The following SPATA17 variants were observed in gnomAD, a reference collection of about 807,000 sequenced individuals.
SPATA17 encodes the protein spermatogenesis-associated protein 17.
In SPATA17, 53 loss-of-function variants were observed where a neutral mutation model predicts 62.2. That is an observed-to-expected ratio of 0.85 (90% confidence interval 0.68 to 1.07). SPATA17 has a LOEUF of 1.07. SPATA17 is among the 50% of genes least tolerant of loss of function. The pLI, the probability that SPATA17 is intolerant of heterozygous loss-of-function variation, is 0.00. For synonymous variants in SPATA17, 146 were observed against 146.8 expected (o/e 0.99, Z 0.04); for missense variants, 466 against 425.5 (o/e 1.10, Z -0.84).
At position 217,813,490 on chromosome 1, in the gene SPATA17, T is replaced by A. The variant is rs1426774604; in HGVS notation, c.1005+11640T>A. ...ATTTTAAGAATCTTTCCATACATGC[T>A]GATTGATGATTATGCACTTGCTGAA... On this transcript the variant is annotated intron_variant, in intron 9 of 10. Coordinates refer to ENST00000366933, the MANE Select transcript of SPATA17 (RefSeq NM_138796.4). Among the ~76,000 whole-genome samples the A allele has an allele frequency of 2.6e-5, 4 of 152,224 alleles. No individual in the cohort carries two copies. The South Asian group carries it at 8.3e-4, about 31-fold the overall frequency.
rs1309676105 is a variant in SPATA17, at chr1:217,868,003, G to A, written c.*984G>A. ...CTCTGGGAAATGTTATAGGCCAAAT[G>A]ATCTGTTTCTTCAACAAATAAATTA... On this transcript the variant is annotated 3_prime_UTR_variant, in exon 11 of 11. Coordinates refer to ENST00000366933, the MANE Select transcript of SPATA17 (RefSeq NM_138796.4). 1.3e-5 allele frequency: 2 copies of A among 152,036 alleles called. No individual in the cohort carries two copies. The highest frequency in any genetic ancestry group is 2.1e-4 in the South Asian group (1 of 4,820). The allele number at this position is 152,036 out of a possible 1,614,324, so 9.4% of individuals were successfully genotyped here.
At chr1:217,824,842 A>G (rs550595003) in intron 9 of SPATA17, among the ~76,000 whole-genome samples, 1 of 151,174 alleles carries the variant, frequency 6.6e-6, no homozygotes, top group East Asian at 2.0e-4. Flanking sequence ...TGTAGACTAA[A>G]TTTGTACTTT....
chr1:217,658,995 A>T (rs565324770), intron 3 of SPATA17, among the ~76,000 whole-genome samples: 37 of 152,262 alleles, frequency 2.4e-4, no homozygotes, highest in African/African-American at 4.6e-4. Context: ...CTCTGGAAAG[A>T]TCACACATGA....
chr1:217,631,702 C>T (rs960956270), intron 1 of SPATA17, among the ~76,000 whole-genome samples: 1 of 152,094 alleles, frequency 6.6e-6, no homozygotes. Context: ...TTGTAAAGTG[C>T]TTTTTTTCTT....
chr1:217,704,427 T>C (rs1035553638), intron 5 of SPATA17, among the ~76,000 whole-genome samples: 7 of 150,312 alleles, frequency 4.7e-5, no homozygotes, highest in Non-Finnish European at 8.9e-5. Context: ...ATTTTTTGTA[T>C]TTTTAGTAGA....
At chr1:217,750,955 T>C (rs368283621) in intron 6 of SPATA17, among the ~76,000 whole-genome samples, 13 of 152,174 alleles carry the variant, frequency 8.5e-5, no homozygotes, top group African/African-American at 2.2e-4. Flanking sequence ...TCTGAGTTGG[T>C]CATCTACATC....
At chr1:217,762,338 T>C (rs1160191344) in intron 6 of SPATA17, among the ~76,000 whole-genome samples, 1 of 152,208 alleles carries the variant, frequency 6.6e-6, no homozygotes, top group Non-Finnish European at 1.5e-5. Flanking sequence ...AGCTCAATCC[T>C]AATAACTTCA....
At chr1:217,845,153 C>T (rs1675494790) in intron 9 of SPATA17, among the ~76,000 whole-genome samples, 1 of 152,016 alleles carries the variant, frequency 6.6e-6, no homozygotes, top group African/African-American at 2.4e-5. Context: ...TATTCTCTAA[C>T]ACTTAACTTT....
chr1:217,661,167 A>G (rs1428224203), intron 3 of SPATA17, among the ~76,000 whole-genome samples: 2 of 152,104 alleles, frequency 1.3e-5, no homozygotes, highest in Admixed American at 1.3e-4. Flanking sequence ...AAAGTATGTG[A>G]ACAGTACAGA....
At chr1:217,682,848 TTAA>T (rs1315310790) in intron 4 of SPATA17, among the ~76,000 whole-genome samples, 1 of 151,972 alleles carries the variant, frequency 6.6e-6, no homozygotes, top group Admixed American at 6.6e-5. Flanking sequence ...AAGAAGCCCA[TTAA>T]TAAGACAAAA....
chr1:217,679,876 T>C (rs1671039062), intron 4 of SPATA17, among the ~76,000 whole-genome samples: 1 of 152,206 alleles, frequency 6.6e-6, no homozygotes, highest in African/African-American at 2.4e-5. Flanking sequence ...AATTTCAGTT[T>C]TTTTCTTTAA....
In SPATA17 at chr1:217,870,226, A is replaced by G. The variant is rs1442296156; in HGVS notation, c.*3207A>G. On this transcript the variant is annotated 3_prime_UTR_variant, in exon 11 of 11. Transcript: ENST00000366933. ...ACCCTGACCTTCTCTGTTCTTCCAGAGAAGGTGGTACTCAGATAAAAACTT... is the reference window on the plus strand; with the variant it reads ...ACCCTGACCTTCTCTGTTCTTCCAGGGAAGGTGGTACTCAGATAAAAACTT... The G allele has an allele frequency of 6.6e-6, 1 of 152,116 alleles. No homozygotes were observed. Among genetic ancestry groups the G allele is most frequent in the Non-Finnish European group, 1.5e-5 (1 of 68,004 alleles). 9.4% of individuals were successfully genotyped at this position (152,116 alleles called of 1,614,324 possible).
intron 6 of SPATA17, among the ~76,000 whole-genome samples, chr1:217,752,832 T>C (rs1428066892): frequency 6.6e-6 from 1 of 152,244 alleles, no homozygotes; most frequent in Non-Finnish European, 1.5e-5. Flanking sequence ...ATGAAGCCCC[T>C]GGCCCTGCTC....
At chr1:217,808,810 G>A (rs952044863) in intron 9 of SPATA17, among the ~76,000 whole-genome samples, 11 of 151,026 alleles carry the variant, frequency 7.3e-5, no homozygotes, top group Admixed American at 2.0e-4. Flanking sequence ...AGCTGAGATC[G>A]CGCCACTGCA....
intron 4 of SPATA17, among the ~76,000 whole-genome samples, chr1:217,671,225 T>G (rs1170044577): frequency 6.6e-6 from 1 of 152,062 alleles, no homozygotes; most frequent in Non-Finnish European, 1.5e-5. Context: ...AACCTGTGAT[T>G]TAACTTCTCT....
At chr1:217,727,364 T>G (rs1285469596) in intron 5 of SPATA17, among the ~76,000 whole-genome samples, 1 of 151,538 alleles carries the variant, frequency 6.6e-6, no homozygotes, top group Non-Finnish European at 1.5e-5. Context: ...ATTTTTGCAT[T>G]CTCTCATTGA....
rs1237896584 is a variant in SPATA17 at position 217,867,146 on chromosome 1, C to T, written c.*127C>T. Reference sequence around the variant, plus strand: ...TTCAATAAACTATAAAATTTTGTAGCTCTAGTCATGAATTAATTATTGTGT... The same window carrying T: ...TTCAATAAACTATAAAATTTTGTAGTTCTAGTCATGAATTAATTATTGTGT... On this transcript the variant is annotated 3_prime_UTR_variant, in exon 11 of 11. Coordinates refer to ENST00000366933, the MANE Select transcript of SPATA17 (RefSeq NM_138796.4). The T allele has an allele frequency of 6.6e-6, 1 of 152,112 alleles. No homozygotes were observed. The highest frequency in any genetic ancestry group is 1.5e-5 in the Non-Finnish European group (1 of 68,026). 9.4% of individuals were successfully genotyped at this position (152,112 alleles called of 1,614,324 possible).
intron 6 of SPATA17, among the ~76,000 whole-genome samples, chr1:217,748,520 A>T (rs1160000353): frequency 6.6e-6 from 1 of 151,910 alleles, no homozygotes; most frequent in East Asian, 1.9e-4. Context: ...AGGAGGGCAG[A>T]TCACTTGAGG....
rs145361753 is a variant in SPATA17 at position 217,637,684 on chromosome 1, C to T, written c.68+6238C>T. On this transcript the variant is annotated intron_variant, in intron 1 of 10. Coordinates refer to ENST00000366933, the MANE Select transcript of SPATA17 (RefSeq NM_138796.4). ...CTTGAATTTGAAAAATTCTCTTAGT[C>T]CTATTAGCCTAAATAAATAGCAGCT... Among the ~76,000 whole-genome samples the T allele has an allele frequency of 4.0e-3, 614 of 152,186 alleles. 5 individuals carry two copies. The highest frequency in any genetic ancestry group is 0.014 in the African/African-American group (576 of 41,548).
Sources: gnomAD v4.1 joint callset for allele counts (sites outside exome capture counted in the v4.1 genomes callset) on GRCh38, gnomAD v4.1.1 for gene constraint, MANE v1.5 for transcripts, NCBI Gene and HGNC (gene_info 2026-07-23, HGNC 2026-07-21) for gene names.